Variants in RIMS2 observed in about 807,000 individuals in gnomAD.
RIMS2 encodes the protein regulating synaptic membrane exocytosis 2.
In RIMS2, 59 loss-of-function variants were observed where a neutral mutation model predicts 174.4. That is an observed-to-expected ratio of 0.34 (90% CI 0.27 to 0.42). The LOEUF is 0.42. RIMS2 is among the 10% of genes least tolerant of loss of function. The pLI is 1.00. For synonymous variants in RIMS2, 606 were observed against 572.5 expected (o/e 1.06, Z -0.84); for missense variants, 1,620 against 1,666.3 (o/e 0.97, Z 0.48).
chr8:103,761,164 C>T (rs2098108899), intron 2 of RIMS2, among the ~76,000 whole-genome samples: 2 of 152,068 alleles, frequency 1.3e-5, no homozygotes, highest in Non-Finnish European at 2.9e-5. Context: ...AGCTAACCCA[C>T]ATTACTTCAT....
At chr8:103,566,305 T>G (rs2092338983) in intron 1 of RIMS2, among the ~76,000 whole-genome samples, 1 of 152,152 alleles carries the variant, frequency 6.6e-6, no homozygotes, top group Non-Finnish European at 1.5e-5. Context: ...TGCCTGGTAT[T>G]TCCTATTTCT....
At position 104,076,007 on chromosome 8, in the gene RIMS2, G is replaced by A. The variant is rs75973544; in HGVS notation, c.3334+61392G>A. Among the ~76,000 whole-genome samples the A allele has an allele frequency of 1.1e-3, 160 of 152,272 alleles. 1 individual carries two copies. In the East Asian group the frequency reaches 0.021, roughly 20 times the overall value. ...CCAGGATTTTAATTAGTCACCTGAC[G>A]TGTATGTTTTATTTTTACATCACCC... On this transcript the variant is annotated intron_variant, in intron 19 of 23. Transcript: ENST00000504942.
chr8:103,620,685 G>T (rs1036804833), intron 1 of RIMS2, among the ~76,000 whole-genome samples: 5 of 46,288 alleles, frequency 1.1e-4, no homozygotes, highest in African/African-American at 1.8e-4. Context: ...TGATCATCAG[G>T]AACTTTATTT....
At chr8:103,595,395 T>C (rs1403324290) in intron 1 of RIMS2, among the ~76,000 whole-genome samples, 1 of 151,882 alleles carries the variant, frequency 6.6e-6, no homozygotes, top group Admixed American at 6.6e-5. Context: ...CAGTGTCTTG[T>C]CCCTCACCCT....
At chr8:104,136,042 A>G (rs1180150670) in intron 19 of RIMS2, among the ~76,000 whole-genome samples, 1 of 152,218 alleles carries the variant, frequency 6.6e-6, no homozygotes, top group African/African-American at 2.4e-5. Flanking sequence ...TAGTGTAGCT[A>G]TGTCTCGAAC....
At chr8:103,859,320 G>A (rs2099046023) in intron 3 of RIMS2, among the ~76,000 whole-genome samples, 1 of 152,130 alleles carries the variant, frequency 6.6e-6, no homozygotes, top group South Asian at 2.1e-4. Flanking sequence ...TAAATCTGGA[G>A]CCTAGTGGAG....
intron 1 of RIMS2, among the ~76,000 whole-genome samples, chr8:103,581,564 C>G (rs551339751): frequency 1.3e-3 from 191 of 152,232 alleles, no homozygotes; most frequent in Non-Finnish European, 2.3e-3. Flanking sequence ...AGATGCGGAA[C>G]AAGACAAGGA....
intron 13 of RIMS2, among the ~76,000 whole-genome samples, chr8:103,939,563 G>A (rs1274412794): frequency 6.6e-6 from 1 of 152,230 alleles, no homozygotes; most frequent in Admixed American, 6.5e-5. Flanking sequence ...TTTCCACATT[G>A]CGGATAGGCG....
intron 1 of RIMS2, among the ~76,000 whole-genome samples, chr8:103,644,259 G>T (rs2096283302): frequency 6.6e-6 from 1 of 152,104 alleles, no homozygotes; most frequent in Admixed American, 6.6e-5. Flanking sequence ...CTGGACATTT[G>T]GTTCTGGTAA....
intron 19 of RIMS2, among the ~76,000 whole-genome samples, chr8:104,171,684 G>C (rs2441882): frequency 0.28 from 42,274 of 151,892 alleles, 6,211 homozygotes; most frequent in South Asian, 0.44. Flanking sequence ...AGGGGAGCGA[G>C]TATGATCTTT....
chr8:103,756,189 A>T (rs897083519), intron 2 of RIMS2, among the ~76,000 whole-genome samples: 8 of 152,080 alleles, frequency 5.3e-5, no homozygotes, highest in African/African-American at 1.9e-4. Flanking sequence ...CAGGTCACTC[A>T]TCTGCAGATC....
intron 19 of RIMS2, among the ~76,000 whole-genome samples, chr8:104,163,267 C>T (rs2098775108): frequency 6.6e-6 from 1 of 152,100 alleles, no homozygotes; most frequent in Non-Finnish European, 1.5e-5. Context: ...CTATTATTCA[C>T]TGCCATATAA....
At chr8:103,712,520 G>T (rs1024138644) in intron 2 of RIMS2, among the ~76,000 whole-genome samples, 2 of 152,020 alleles carry the variant, frequency 1.3e-5, no homozygotes, top group Non-Finnish European at 2.9e-5. Context: ...TACATGATGT[G>T]CTCATCAGTA....
rs1564038115 is a variant in RIMS2, at chr8:103,618,562, T to A, written c.177-78524T>A. On this transcript the variant is annotated intron_variant, in intron 1 of 23. Transcript: ENST00000504942. ...TGGTAGAATGAGAGGAAGGGAATTA[T>A]TGTGTGAGACCATTTTCAAGGCTGT... is the stretch of plus-strand genomic sequence containing the variant. Among the ~76,000 whole-genome samples, 3 of 152,286 alleles carry A rather than the reference T, an allele frequency of 2.0e-5. No homozygotes were observed. In the South Asian group the frequency reaches 6.2e-4, roughly 32 times the overall value.
In RIMS2 at chr8:103,559,056, C is replaced by CTTTTTTTTTTTTT. The variant is rs397952535; in HGVS notation, c.176+58006_176+58007insTTTTTTTTTTTTT. On this transcript the variant is annotated intron_variant, in intron 1 of 23. Transcript: ENST00000504942. ...TGGTGGCCTTTCAGATATTTTTTAA[C>CTTTTTTTTTTTTT]TTTTTTTTTTTTGCTCTCTGATCAT... The CTTTTTTTTTTTTT allele has an allele frequency of 1.4e-3, 140 of 99,008 alleles. 27 individuals are homozygous for CTTTTTTTTTTTTT. The highest frequency in any genetic ancestry group is 5.6e-3 in the Middle Eastern group (1 of 180). The allele number at this position is 99,008 out of a possible 1,614,324, so 6.1% of individuals were successfully genotyped here.
chr8:103,583,030 G>A (rs907076377), intron 1 of RIMS2, among the ~76,000 whole-genome samples: 1 of 152,204 alleles, frequency 6.6e-6, no homozygotes, highest in Non-Finnish European at 1.5e-5. Context: ...CAGTCATAGT[G>A]GTGGTGGCCA....
intron 17 of RIMS2, among the ~76,000 whole-genome samples, chr8:104,006,852 A>C (rs930164664): frequency 4.0e-5 from 6 of 151,542 alleles, no homozygotes; most frequent in East Asian, 1.9e-4. Flanking sequence ...TGAACTATTT[A>C]ATTTCTGTTA....
intron 19 of RIMS2, among the ~76,000 whole-genome samples, chr8:104,122,657 G>A (rs1355523770): frequency 6.6e-6 from 1 of 152,124 alleles, no homozygotes; most frequent in Non-Finnish European, 1.5e-5. Context: ...TTGGAGAATG[G>A]ATCTGCATAT....
At chr8:103,828,113 G>A in intron 3 of RIMS2, among the ~76,000 whole-genome samples, 1 of 150,108 alleles carries the variant, frequency 6.7e-6, no homozygotes. Flanking sequence ...TTTTGATAAG[G>A]TTTTTTTTGC....
Sources: allele counts gnomAD v4.1 joint callset (sites outside exome capture counted in the v4.1 genomes callset), GRCh38; gene constraint gnomAD v4.1.1; transcripts MANE v1.5; gene names NCBI Gene and HGNC (gene_info 2026-07-23, HGNC 2026-07-21).